The following MDC1 variants were observed in gnomAD, a reference collection of about 807,000 sequenced individuals.
MDC1 encodes the protein mediator of DNA damage checkpoint 1, also known as mediator of DNA damage checkpoint protein 1.
In MDC1, 81 loss-of-function variants were observed where a neutral mutation model predicts 142.5. The ratio of observed to expected loss-of-function variants is 0.57; its 90% CI spans 0.47 to 0.68. MDC1 has a LOEUF of 0.68. Among genes scored for constraint, MDC1 ranks in the 30% least tolerant of loss-of-function variants. The probability of loss-of-function intolerance (pLI) is 0.00; values close to 1 mark genes in which losing one functional copy is unlikely to be tolerated. For synonymous variants in MDC1, 797 were observed against 968.4 expected (o/e 0.82, Z 3.29); for missense variants, 2,119 against 2,547.9 (o/e 0.83, Z 3.62).
In MDC1 at chr6:30,711,292, G is replaced by T; in HGVS notation, c.2221+120C>A. On this transcript the variant is annotated intron_variant, in intron 7 of 14. Transcript: ENST00000376406. Reference sequence around the variant, plus strand: ...CTGGGAAGCTGAAGGAAGAGAAACCGCCTGGGAGGCGGAGGTTACAGTGAG... The same window carrying T: ...CTGGGAAGCTGAAGGAAGAGAAACCTCCTGGGAGGCGGAGGTTACAGTGAG... The T allele has an allele frequency of 3.5e-6, 3 of 855,170 alleles. No homozygotes were observed. The East Asian group carries it at 7.7e-5, about 22-fold the overall frequency. The allele number at this position is 855,170 out of a possible 1,614,324, so 53.0% of individuals were successfully genotyped here.
At chr6:30,702,090 A>G (rs145535283) in intron 14 of MDC1, among the ~76,000 whole-genome samples, 2,891 of 151,382 alleles carry the variant, frequency 0.019, 39 homozygotes, top group South Asian at 0.064. Context: ...GTGAAACCCC[A>G]TCTCTACTAA....
intron 7 of MDC1, 34 bp from the exon 8 acceptor site, chr6:30,708,391 G>A (rs1774272587): frequency 6.4e-7 from 1 of 1,562,230 alleles, no homozygotes; most frequent in Non-Finnish European, 8.7e-7. Flanking sequence ...GAGAGAGGGA[G>A]AGGGAGAGAA....
intron 13 of MDC1, 31 bp downstream of exon 13, chr6:30,702,721 C>T (rs1477826323): frequency 2.0e-5 from 33 of 1,612,688 alleles, no homozygotes; most frequent in Non-Finnish European, 2.6e-5. Context: ...GGAGGGAGGG[C>T]TGAAGCACAG....
rs149345627 is a variant in MDC1 at position 30,705,538 on chromosome 6, G to A, written c.3645C>T (p.Thr1215=). The A allele has an allele frequency of 1.7e-4, 260 of 1,550,282 alleles. No individual in the cohort carries two copies. The highest frequency in any genetic ancestry group is 7.4e-4 in the Admixed American group (39 of 52,606). ...TGGGTTCAGAGGTGACAGGTCGGTC[G>A]GTGGAGGTGGAAGGCTGGAGCTCAA... is the stretch of plus-strand genomic sequence containing the variant. ...TALELQPSTS[T]DRPVTSEPTS... is the part of the protein sequence containing the mutation. Residue 1215 remains threonine, a synonymous_variant, in exon 10 of 15, where the codon ACC becomes ACT. Coordinates refer to ENST00000376406, the MANE Select transcript of MDC1 (RefSeq NM_014641.3).
rs1256076829 is a variant in MDC1, at chr6:30,703,518, G to A, written c.5582C>T (p.Pro1861Leu). ...TGCCTGGTCTCTCTTTCTCTTGCCTGGTTTTGGAGTCACGACATCCTGAGA... is the reference window on the plus strand; with the variant it reads ...TGCCTGGTCTCTCTTTCTCTTGCCTAGTTTTGGAGTCACGACATCCTGAGA... ...GKEEDVVTPKPGKRKRDQAEE... is the reference protein window; with the variant it reads ...GKEEDVVTPKLGKRKRDQAEE... The change falls in exon 11 of 15, where the codon CCA becomes CTA. Residue 1861 changes from proline to leucine, a missense_variant. Pro to Leu is a moderately conservative substitution (Grantham distance 98, BLOSUM62 -3). Transcript: ENST00000376406. The surrounding 1 kb of genome is among the most constrained non-coding windows in gnomAD (Gnocchi z 4.4). The A allele has an allele frequency of 6.2e-7, 1 of 1,613,310 alleles. No individual in the cohort carries two copies. The highest frequency in any genetic ancestry group is 2.2e-5 in the East Asian group (1 of 44,880).
rs768990928 is a variant in MDC1 at position 30,702,765 on chromosome 6, C to A, written c.5978G>T (p.Arg1993Leu). Reference protein sequence around the residue: ...LQDALSRARERRLLEGYEIYV... With the variant: ...LQDALSRARELRLLEGYEIYV... ...ATAGCCTCTCACCTCTAGCAGCCTT[C>A]GCTCCCGAGCCCTGCTCAGTGCGTC... is the stretch of plus-strand genomic sequence containing the variant. Residue 1993 changes from arginine (R) to leucine (L), a missense_variant, in exon 13 of 15, where the codon CGA becomes CTA. Transcript: ENST00000376406. 2.5e-6 allele frequency: 4 copies of A among 1,612,952 alleles called. No homozygotes were observed. The South Asian group carries it at 3.3e-5, about 13-fold the overall frequency.
At position 30,704,104 on chromosome 6, in the gene MDC1, C is replaced by A; in HGVS notation, c.5079G>T (p.Pro1693=). ...TLRSSTVRAM[P]VPTTPEFQSP... ...ATTGGAATTCAGGGGTGGTAGGAAC[C>A]GGCATAGCTCTTACTGTGGAAGACC... The change falls in exon 10 of 15, where the codon CCG becomes CCT. Residue 1693 remains proline (P), a synonymous_variant. Coordinates refer to ENST00000376406, the MANE Select transcript of MDC1 (RefSeq NM_014641.3). 2 of 1,613,858 alleles carry A rather than the reference C, an allele frequency of 1.2e-6. No homozygotes were observed. The highest frequency in any genetic ancestry group is 1.7e-6 in the Non-Finnish European group (2 of 1,179,936).
At position 30,713,137 on chromosome 6, in the gene MDC1, CCCT is replaced by C; in HGVS notation, c.802_804del (p.Arg268del). On this transcript the variant is annotated inframe_deletion, in exon 5 of 15. Coordinates refer to ENST00000376406, the MANE Select transcript of MDC1 (RefSeq NM_014641.3). This position sits in a 1 kb window ranked among gnomAD's most constrained non-coding sequence, Gnocchi z 4.9. Reference sequence around the variant, plus strand: ...CCCCTCTTGACTTTTGTATCATTGTCCCTCTCCTTCACTAAAGGCTGATCCTTT... The same window carrying C: ...CCCCTCTTGACTTTTGTATCATTGTCCTCCTTCACTAAAGGCTGATCCTTT... 1.2e-6 allele frequency: 2 copies of C among 1,612,876 alleles called. No homozygotes were observed. The highest frequency in any genetic ancestry group is 1.7e-6 in the Non-Finnish European group (2 of 1,179,858).
Position 30,703,113 on chromosome 6 carries a change from C to A in MDC1, c.5856G>T (p.Trp1952Cys), listed in dbSNP as rs779075020. Residue 1952 changes from tryptophan (W) to cysteine (C), a missense_variant, in exon 12 of 15, where the codon TGG becomes TGT. Physicochemically the swap from Trp to Cys is radical, Grantham distance 215. Coordinates refer to ENST00000376406, the MANE Select transcript of MDC1 (RefSeq NM_014641.3). This position sits in a 1 kb window ranked among gnomAD's most constrained non-coding sequence, Gnocchi z 4.4. ...TCCCTTGGCCTCTCACCTGATGCAG[C>A]CAGTCCAGGGACAGAATGGGGATTC... ...GRGIPILSLDWLHQSRKAGFF... is the reference protein window; with the variant it reads ...GRGIPILSLDCLHQSRKAGFF... 3.1e-6 allele frequency: 5 copies of A among 1,612,292 alleles called. No individual in the cohort carries two copies. In the Admixed American group the frequency reaches 5.0e-5, roughly 16 times the overall value.
chr6:30,701,399 A>C lies in MDC1; in HGVS notation c.6103-767T>G, dbSNP rs530517114. 2.3e-3 allele frequency among the ~76,000 whole-genome samples: 321 copies of C among 142,614 alleles called. 1 individual carries two copies. The highest frequency in any genetic ancestry group is 7.7e-3 in the African/African-American group (283 of 36,962). The allele number at this position is 142,614 out of a possible 152,430, so 93.6% of individuals were successfully genotyped here. A position where few individuals can be genotyped will look rare whatever the true frequency, so the allele number is the denominator to read the frequency against. ...CTGGCGACAGAGTGAGACTCTCTCA[A>C]AAAAAAAAAATACTTTTGCTAGAAA... On this transcript the variant is annotated intron_variant, in intron 14 of 14. Coordinates refer to ENST00000376406, the MANE Select transcript of MDC1 (RefSeq NM_014641.3).
intron 14 of MDC1, 117 bp from the exon 15 acceptor site, chr6:30,700,749 G>T: frequency 9.9e-7 from 1 of 1,006,944 alleles, no homozygotes. Context: ...GAAGCCAAGT[G>T]AAGCACACCG....
chr6:30,707,580 C>G lies in MDC1; in HGVS notation c.2999G>C (p.Arg1000Thr). ...CCTTCACTTACCTTTCTGATGCCTC[C>G]TGGGGCTCACTGGGGATCCCCTTCC... Reference protein sequence around the residue: ...SGGRGSPVSPRRHQKGLLNCK... With the variant: ...SGGRGSPVSPTRHQKGLLNCK... The change falls in exon 8 of 15, where the codon AGG becomes ACG. Residue 1000 changes from arginine to threonine, a missense_variant. Arg to Thr is a moderately conservative substitution (Grantham distance 71). Transcript: ENST00000376406. 6.2e-7 allele frequency: 1 copy of G among 1,612,330 alleles called. No individual in the cohort carries two copies. The highest frequency in any genetic ancestry group is 8.5e-7 in the Non-Finnish European group (1 of 1,179,438).
intron 7 of MDC1, among the ~76,000 whole-genome samples, chr6:30,710,872 T>C (rs1774763372): frequency 6.6e-6 from 1 of 152,192 alleles, no homozygotes; most frequent in South Asian, 2.1e-4. Context: ...CTTCCCATCC[T>C]GGCCTCCCAT....
rs201813097 is a variant in MDC1, at chr6:30,704,613, C to A, written c.4570G>T (p.Val1524Phe). ...GGCACAACTGTTTCAGGGGTCTTGA[C>A]AGAGGACCGATTTTTTCTTCCCCTA... ...TTRGRKNRSS[V>F]KTPETVVPAA... Residue 1524 changes from valine (V) to phenylalanine (F), a missense_variant, in exon 10 of 15, where the codon GTC (valine) becomes TTC (phenylalanine). Coordinates refer to ENST00000376406, the MANE Select transcript of MDC1 (RefSeq NM_014641.3). 2 of 1,608,830 alleles carry A rather than the reference C, an allele frequency of 1.2e-6. No individual in the cohort carries two copies. The highest frequency in any genetic ancestry group is 2.7e-5 in the African/African-American group (2 of 73,704).
rs780775941 is a variant in MDC1, at chr6:30,713,740, A to T, written c.518-23T>A. On this transcript the variant is annotated intron_variant, in intron 3 of 14. Transcript: ENST00000376406. This position sits in a 1 kb window ranked among gnomAD's most constrained non-coding sequence, Gnocchi z 4.9. ...AATCTGTCAAGAACAGAAAGGAATG[A>T]GTTGACAATTGTACACTCATTATTC... 3 of 1,614,032 alleles carry T rather than the reference A, an allele frequency of 1.9e-6. No homozygotes were observed. Among genetic ancestry groups the T allele is most frequent in the Non-Finnish European group, 2.5e-6 (3 of 1,179,924 alleles).
In MDC1 at chr6:30,705,731, T is replaced by C; in HGVS notation, c.3452A>G (p.Asn1151Ser). Reference sequence around the variant, plus strand: ...TTCAGGGGTCTTGACAGAGGACCTATTTGTCCTGCTCCTAGTGGCCTGAGA... The same window carrying C: ...TTCAGGGGTCTTGACAGAGGACCTACTTGTCCTGCTCCTAGTGGCCTGAGA... ...PTSQATRSRT[N>S]RSSVKTPEPV... Residue 1151 changes from asparagine to serine, a missense_variant, in exon 10 of 15, where the codon AAT becomes AGT. Asn to Ser is a conservative substitution (Grantham distance 46). Coordinates refer to ENST00000376406, the MANE Select transcript of MDC1 (RefSeq NM_014641.3). 1 of 1,612,926 alleles carries C rather than the reference T, an allele frequency of 6.2e-7. No homozygotes were observed. Among genetic ancestry groups the C allele is most frequent in the Non-Finnish European group, 8.5e-7 (1 of 1,179,408 alleles).
rs1377575864 is a variant in MDC1, at chr6:30,704,589, G to A, written c.4594C>T (p.Pro1532Ser). Residue 1532 changes from proline to serine, a missense_variant, in exon 10 of 15, where the codon CCC (proline) becomes TCC (serine). Physicochemically the swap from Pro to Ser is moderately conservative, Grantham distance 74. Coordinates refer to ENST00000376406, the MANE Select transcript of MDC1 (RefSeq NM_014641.3). ...GAAGGCTGGAGCTCAGGGGCTGCGG[G>A]CACAACTGTTTCAGGGGTCTTGACA... is the stretch of plus-strand genomic sequence containing the variant. ...SSVKTPETVV[P>S]AAPELQPSTS... The A allele has an allele frequency of 2.6e-5, 42 of 1,607,606 alleles. No homozygotes were observed. Among genetic ancestry groups the A allele is most frequent in the Non-Finnish European group, 3.1e-5 (36 of 1,176,946 alleles).
At position 30,707,729 on chromosome 6, in the gene MDC1, C is replaced by T. The variant is rs773391761; in HGVS notation, c.2850G>A (p.Glu950=). The change falls in exon 8 of 15, where the codon GAG becomes GAA. Residue 950 remains glutamate, a synonymous_variant. Coordinates refer to ENST00000376406, the MANE Select transcript of MDC1 (RefSeq NM_014641.3). ...TCTGGTCCTGGCTCCCTCCCTCTGG[C>T]TCCCCTCTCTGTGTATCTCTCTCCA... ...VILERDTQRG[E]PEGGSQDQKG... The T allele has an allele frequency of 3.7e-6, 6 of 1,613,132 alleles. No individual in the cohort carries two copies. Among genetic ancestry groups the T allele is most frequent in the Non-Finnish European group, 5.1e-6 (6 of 1,180,046 alleles).
chr6:30,704,051 G>A lies in MDC1; in HGVS notation c.5132C>T (p.Ser1711Phe). ...QSPVTTDQPI[S>F]PEPITQPSCI... is the part of the protein sequence containing the mutation. Reference sequence around the variant, plus strand: ...ACTGGGTTGAGTAATAGGCTCAGGGGAAATAGGCTGGTCTGTGGTGACAGG... The same window carrying A: ...ACTGGGTTGAGTAATAGGCTCAGGGAAAATAGGCTGGTCTGTGGTGACAGG... The change falls in exon 10 of 15, where the codon TCC (serine) becomes TTC (phenylalanine). Residue 1711 changes from serine to phenylalanine, a missense_variant. Coordinates refer to ENST00000376406, the MANE Select transcript of MDC1 (RefSeq NM_014641.3). 1 of 1,614,192 alleles carries A rather than the reference G, an allele frequency of 6.2e-7. No individual in the cohort carries two copies. The highest frequency in any genetic ancestry group is 1.6e-4 in the Middle Eastern group (1 of 6,062).
Sources: allele counts gnomAD v4.1 joint callset (sites outside exome capture counted in the v4.1 genomes callset), GRCh38; gene constraint gnomAD v4.1.1; non-coding constraint Gnocchi (gnomAD v3.1); transcripts MANE v1.5; gene names NCBI Gene and HGNC (gene_info 2026-07-23, HGNC 2026-07-21).